CEP112: variants seen among roughly 807,000 people sequenced by gnomAD.
CEP112 encodes the protein centrosomal protein of 112 kDa.
In CEP112, 127 loss-of-function variants were observed where a neutral mutation model predicts 153.0. The ratio of observed to expected loss-of-function variants is 0.83; its 90% CI spans 0.72 to 0.96. The LOEUF (loss-of-function observed/expected upper bound fraction) is 0.96, where lower values mean the gene tolerates loss of function less well. Ranked by LOEUF, CEP112 falls within the 40% of genes least tolerant of loss-of-function variation. CEP112 has a pLI of 0.00. For missense variants in CEP112, 1,089 were observed against 1,101.2 expected, an observed-to-expected ratio of 0.99 and a Z score of 0.16; for synonymous variants, 358 against 374.4, an observed-to-expected ratio of 0.96 and a Z score of 0.51.
intron 17 of CEP112, among the ~76,000 whole-genome samples, chr17:66,003,194 A>G (rs2064133307): frequency 6.6e-6 from 1 of 152,236 alleles, no homozygotes; most frequent in Non-Finnish European, 1.5e-5. Flanking sequence ...AGATGGATAA[A>G]TAATCTACAG....
At position 66,022,710 on chromosome 17, in the gene CEP112, A is replaced by AG. The variant is rs1555771641; in HGVS notation, c.1656+4790dup. ...GATGACAGAACGAGACTCCGCCTCA[A>AG]GAAAAAAAAAAAAAAAAAGAAATGC... On this transcript the variant is annotated intron_variant, in intron 16 of 26. Transcript: ENST00000535342. 3.5e-3 allele frequency among the ~76,000 whole-genome samples: 332 copies of AG among 96,152 alleles called. 26 individuals are homozygous for AG. The highest frequency in any genetic ancestry group is 0.011 in the African/African-American group (233 of 21,892). The allele number at this position is 96,152 out of a possible 152,430, so 63.1% of individuals were successfully genotyped here.
intron 17 of CEP112, among the ~76,000 whole-genome samples, chr17:65,965,517 C>CTT: frequency 9.7e-6 from 1 of 102,822 alleles, no homozygotes. Context: ...CCTTCTGCCC[C>CTT]CTTTTTTTTT....
chr17:66,046,337 C>T (rs1008662969), intron 12 of CEP112, among the ~76,000 whole-genome samples: 4 of 152,058 alleles, frequency 2.6e-5, no homozygotes, highest in East Asian at 1.9e-4. Flanking sequence ...CCACCACGCC[C>T]GGCCAAAAAG....
At chr17:65,637,246 C>T (rs948752835) in intron 25 of CEP112, 58 bp from the exon 26 acceptor site, 2 of 1,105,342 alleles carry the variant, frequency 1.8e-6, no homozygotes, top group Non-Finnish European at 2.8e-6. Flanking sequence ...CAATATTGTG[C>T]AAATAGTATG....
chr17:66,161,063 C>T (rs2071680060), intron 4 of CEP112, among the ~76,000 whole-genome samples: 1 of 151,736 alleles, frequency 6.6e-6, no homozygotes, highest in Non-Finnish European at 1.5e-5. Flanking sequence ...ATTTATGCCA[C>T]CAACAAACAT....
chr17:65,727,292 T>G (rs780550313), intron 23 of CEP112, among the ~76,000 whole-genome samples: 8 of 152,230 alleles, frequency 5.3e-5, no homozygotes, highest in Non-Finnish European at 1.0e-4. Context: ...TGATGTTCTA[T>G]GAATTCTGCT....
At chr17:65,724,499 C>T (rs1298465452) in intron 23 of CEP112, among the ~76,000 whole-genome samples, 3 of 152,136 alleles carry the variant, frequency 2.0e-5, no homozygotes, top group African/African-American at 7.2e-5. Flanking sequence ...CACAGTTATG[C>T]AGAATCAGTT....
intron 12 of CEP112, among the ~76,000 whole-genome samples, chr17:66,038,955 C>G (rs1286172783): frequency 6.6e-6 from 1 of 152,028 alleles, no homozygotes; most frequent in African/African-American, 2.4e-5. Context: ...ACGGCCAGGA[C>G]TCAATTGGTA....
chr17:65,886,285 C>G (rs900577185), intron 20 of CEP112, among the ~76,000 whole-genome samples: 1 of 151,946 alleles, frequency 6.6e-6, no homozygotes, highest in African/African-American at 2.4e-5. Flanking sequence ...GATGTCAGAG[C>G]CTTTGAAGAT....
At chr17:66,008,693 T>A (rs1899584) in intron 16 of CEP112, among the ~76,000 whole-genome samples, 1 of 151,470 alleles carries the variant, frequency 6.6e-6, no homozygotes, top group Non-Finnish European at 1.5e-5. Flanking sequence ...TTCCCTGACA[T>A]CCCTCCCCAC....
Position 65,665,012 on chromosome 17 carries a change from A to G in CEP112, c.2698-23947T>C, listed in dbSNP as rs531695959. Among the ~76,000 whole-genome samples, 3 of 152,286 alleles carry G rather than the reference A, an allele frequency of 2.0e-5. No homozygotes were observed. The South Asian group carries it at 6.2e-4, about 32-fold the overall frequency. On this transcript the variant is annotated intron_variant, in intron 24 of 26. Coordinates refer to ENST00000535342, the MANE Select transcript of CEP112 (RefSeq NM_001199165.4). ...ATATTTCTCCTATGTCTCTTTTTGT[A>G]AGGGCAATAATCTCACCATGAAGGC...
At position 65,893,924 on chromosome 17, in the gene CEP112, A is replaced by G. The variant is rs150740308; in HGVS notation, c.2163+8228T>C. 3.8e-3 allele frequency among the ~76,000 whole-genome samples: 571 copies of G among 152,228 alleles called. 3 individuals carry two copies. Among genetic ancestry groups the G allele is most frequent in the African/African-American group, 0.013 (546 of 41,556 alleles). On this transcript the variant is annotated intron_variant, in intron 20 of 26. Coordinates refer to ENST00000535342, the MANE Select transcript of CEP112 (RefSeq NM_001199165.4). ...GCCAGCTCTTTGAACATTTGATGAT[A>G]TCACCATTTTGCCCATCATTTCTTG...
At chr17:65,639,100 A>G (rs1275475560) in intron 25 of CEP112, among the ~76,000 whole-genome samples, 1 of 152,156 alleles carries the variant, frequency 6.6e-6, no homozygotes, top group South Asian at 2.1e-4. Context: ...ACAAAATTTC[A>G]TAGCCCTTAG....
In CEP112 at chr17:65,682,589, C is replaced by T. The variant is rs528925711; in HGVS notation, c.2697+6540G>A. ...ATTCCATCCAGAATTGGCTGCTGGT[C>T]CTGACACACAACACAGCGCTCAATA... is the stretch of plus-strand genomic sequence containing the variant. On this transcript the variant is annotated intron_variant, in intron 24 of 26. Coordinates refer to ENST00000535342, the MANE Select transcript of CEP112 (RefSeq NM_001199165.4). 3.5e-4 allele frequency among the ~76,000 whole-genome samples: 54 copies of T among 152,150 alleles called. 3 individuals are homozygous for T. The highest frequency in any genetic ancestry group is 2.1e-4 in the Non-Finnish European group (14 of 68,034).
intron 19 of CEP112, among the ~76,000 whole-genome samples, chr17:65,922,767 T>C (rs1453807427): frequency 6.6e-6 from 1 of 152,216 alleles, no homozygotes; most frequent in Non-Finnish European, 1.5e-5. Context: ...TTCTTATTTT[T>C]CTTAGTGCTT....
intron 23 of CEP112, among the ~76,000 whole-genome samples, chr17:65,720,616 A>C (rs1266414286): frequency 6.6e-6 from 1 of 152,186 alleles, no homozygotes; most frequent in Non-Finnish European, 1.5e-5. Context: ...CTGTAAAGTA[A>C]TAAGAAATGA....
intron 20 of CEP112, among the ~76,000 whole-genome samples, chr17:65,865,453 G>A (rs1003267549): frequency 4.6e-5 from 7 of 152,224 alleles, no homozygotes; most frequent in African/African-American, 1.4e-4. Context: ...AGGGCAAGTT[G>A]CTAGATATAT....
chr17:66,068,947 A>T (rs1416743321), intron 9 of CEP112, among the ~76,000 whole-genome samples: 1 of 152,076 alleles, frequency 6.6e-6, no homozygotes, highest in Non-Finnish European at 1.5e-5. Flanking sequence ...GTAAGAGCAA[A>T]AAAAATTTGC....
chr17:66,081,820 C>G (rs956140828), intron 8 of CEP112, among the ~76,000 whole-genome samples: 1 of 152,054 alleles, frequency 6.6e-6, no homozygotes, highest in Non-Finnish European at 1.5e-5. Flanking sequence ...GAGGCTGAGG[C>G]AGGAGAATCG....
Sources: allele counts gnomAD v4.1 joint callset (sites outside exome capture counted in the v4.1 genomes callset), GRCh38; gene constraint gnomAD v4.1.1; transcripts MANE v1.5; gene names NCBI Gene and HGNC (gene_info 2026-07-23, HGNC 2026-07-21).